RALYL: variants seen among roughly 807,000 people sequenced by gnomAD.
RALYL encodes RNA-binding Raly-like protein.
RALYL carries 29 observed loss-of-function variants against 35.1 expected under a neutral mutation model. The observed-to-expected ratio is 0.83, with a 90% CI of 0.61 to 1.13. The LOEUF (loss-of-function observed/expected upper bound fraction) is 1.13. Among genes scored for constraint, RALYL ranks in the 50% most tolerant of loss-of-function variants. The pLI is 0.00. For synonymous variants in RALYL, 120 were observed against 127.6 expected, an observed-to-expected ratio of 0.94 and a Z score of 0.40; for missense variants, 359 against 360.4, an observed-to-expected ratio of 1.00 and a Z score of 0.03.
chr8:84,632,134 C>T lies in RALYL; in HGVS notation c.256+102557C>T, dbSNP rs148866248. The stretch of plus-strand genomic sequence containing the variant: ...TAGCTCATTATCCCCTCCCACCATG[C>T]GAGAGGACAGCTGGAAGATGCCGTC... On this transcript the variant is annotated intron_variant, in intron 2 of 8. Coordinates refer to ENST00000521268, the MANE Select transcript of RALYL (RefSeq NM_173848.7). Among the ~76,000 whole-genome samples the T allele has an allele frequency of 5.5e-4, 83 of 151,876 alleles. 3 individuals carry two copies. Among genetic ancestry groups the T allele is most frequent in the Admixed American group, 3.8e-3 (58 of 15,226 alleles).
At chr8:84,572,101 A>G (rs1464126404) in intron 2 of RALYL, among the ~76,000 whole-genome samples, 1 of 151,788 alleles carries the variant, frequency 6.6e-6, no homozygotes, top group African/African-American at 2.4e-5. Flanking sequence ...GTAAATGTCC[A>G]TTGGGTCCAC....
intron 1 of RALYL, among the ~76,000 whole-genome samples, chr8:84,325,223 T>TTA (rs1845587905): frequency 6.6e-6 from 1 of 152,176 alleles, no homozygotes; most frequent in Non-Finnish European, 1.5e-5. Context: ...TTCATTATCG[T>TTA]CAGGAAATAT....
Position 84,299,041 on chromosome 8 carries a change from C to G in RALYL, c.-24+114617C>G, listed in dbSNP as rs184842307. Among the ~76,000 whole-genome samples the G allele has an allele frequency of 4.6e-5, 7 of 151,928 alleles. No individual in the cohort carries two copies. In the East Asian group the frequency reaches 5.8e-4, roughly 13 times the overall value. On this transcript the variant is annotated intron_variant, in intron 1 of 8. Coordinates refer to ENST00000521268, the MANE Select transcript of RALYL (RefSeq NM_173848.7). ...TGACTTCTCTGTTTCTATTTGGATG[C>G]CTTTTATTTCTCTTGCATGATTGTT...
intron 1 of RALYL, among the ~76,000 whole-genome samples, chr8:84,380,580 C>T (rs1280129351): frequency 2.0e-5 from 3 of 151,758 alleles, no homozygotes; most frequent in Non-Finnish European, 2.9e-5. Context: ...CTTTCTGGTC[C>T]TTTAGAATGT....
intron 3 of RALYL, among the ~76,000 whole-genome samples, chr8:84,790,991 C>A (rs1820643540): frequency 6.6e-6 from 1 of 152,144 alleles, no homozygotes; most frequent in Non-Finnish European, 1.5e-5. Context: ...AAAGAGGCAA[C>A]TTTAGGCTAA....
At chr8:84,538,174 C>T (rs1588060017) in intron 2 of RALYL, among the ~76,000 whole-genome samples, 2 of 152,212 alleles carry the variant, frequency 1.3e-5, no homozygotes, top group East Asian at 1.9e-4. Flanking sequence ...ATAGAAAGCC[C>T]GGGGGATTTG....
intron 3 of RALYL, among the ~76,000 whole-genome samples, chr8:84,777,357 G>GAATAC (rs1817078433): frequency 1.3e-5 from 2 of 152,194 alleles, no homozygotes; most frequent in Admixed American, 6.5e-5. Context: ...TACTGTCCAT[G>GAATAC]AATACCATGC....
At chr8:84,646,184 T>A (rs983688464) in intron 2 of RALYL, among the ~76,000 whole-genome samples, 3 of 151,972 alleles carry the variant, frequency 2.0e-5, no homozygotes, top group Admixed American at 6.6e-5. Flanking sequence ...TATTTTTTTT[T>A]AAATAAAAAT....
chr8:84,335,318 G>C (rs897995596), intron 1 of RALYL, among the ~76,000 whole-genome samples: 3 of 152,136 alleles, frequency 2.0e-5, no homozygotes, highest in African/African-American at 7.2e-5. Flanking sequence ...CTTGCTCCCA[G>C]ATGAAGCTGT....
intron 4 of RALYL, among the ~76,000 whole-genome samples, chr8:84,842,717 C>T (rs981025909): frequency 6.6e-5 from 10 of 152,268 alleles, no homozygotes; most frequent in African/African-American, 2.2e-4. Flanking sequence ...CAAAAATCCT[C>T]AGTAAAATAC....
intron 1 of RALYL, among the ~76,000 whole-genome samples, chr8:84,500,660 A>C (rs1300590648): frequency 6.6e-6 from 1 of 152,184 alleles, no homozygotes; most frequent in Non-Finnish European, 1.5e-5. Flanking sequence ...CCAAAATGTT[A>C]CTAAATGAAA....
At chr8:84,270,011 A>G (rs1472465862) in intron 1 of RALYL, among the ~76,000 whole-genome samples, 1 of 152,056 alleles carries the variant, frequency 6.6e-6, no homozygotes, top group Non-Finnish European at 1.5e-5. Flanking sequence ...ATTATAGTAG[A>G]CATCTCCTTA....
intron 1 of RALYL, among the ~76,000 whole-genome samples, chr8:84,280,163 A>G (rs1180122381): frequency 6.6e-6 from 1 of 152,192 alleles, no homozygotes; most frequent in African/African-American, 2.4e-5. Flanking sequence ...TACTGATTCC[A>G]TGTGACTATA....
chr8:84,202,191 A>C (rs1816998105), intron 1 of RALYL, among the ~76,000 whole-genome samples: 1 of 150,744 alleles, frequency 6.6e-6, no homozygotes, highest in South Asian at 2.1e-4. Context: ...TATAGACTTA[A>C]TTTATATTTT....
At chr8:84,562,394 C>CA (rs1355713248) in intron 2 of RALYL, among the ~76,000 whole-genome samples, 1 of 151,902 alleles carries the variant, frequency 6.6e-6, no homozygotes, top group Admixed American at 6.6e-5. Context: ...AACTCATAAG[C>CA]AAATATTAAC....
rs76720672 is a variant in RALYL at position 84,645,072 on chromosome 8, A to G, written c.256+115495A>G. Among the ~76,000 whole-genome samples the G allele has an allele frequency of 5.7e-3, 860 of 152,142 alleles. 9 individuals carry two copies. Among genetic ancestry groups the G allele is most frequent in the African/African-American group, 0.019 (794 of 41,564 alleles). On this transcript the variant is annotated intron_variant, in intron 2 of 8. Coordinates refer to ENST00000521268, the MANE Select transcript of RALYL (RefSeq NM_173848.7). ...GCCAAGTTTTTCCTTTGTGTATAGC[A>G]TAGAATTCAGTTTTGCTTTATAAGC... is the stretch of plus-strand genomic sequence containing the variant.
intron 1 of RALYL, among the ~76,000 whole-genome samples, chr8:84,425,395 G>A (rs528340488): frequency 5.1e-4 from 78 of 152,268 alleles, no homozygotes; most frequent in Non-Finnish European, 7.9e-4. Context: ...GCAATGCCTC[G>A]CCCTGCTTCG....
At chr8:84,334,848 C>T (rs1437685174) in intron 1 of RALYL, among the ~76,000 whole-genome samples, 5 of 152,258 alleles carry the variant, frequency 3.3e-5, no homozygotes, top group African/African-American at 7.2e-5. Context: ...AATCTCTAGT[C>T]CAGTCCCATT....
At chr8:84,746,660 A>G (rs1808676165) in intron 2 of RALYL, among the ~76,000 whole-genome samples, 2 of 152,112 alleles carry the variant, frequency 1.3e-5, no homozygotes, top group South Asian at 2.1e-4. Context: ...GAAATTACAT[A>G]CAAATGTTCC....
Sources: gnomAD v4.1 joint callset for allele counts (sites outside exome capture counted in the v4.1 genomes callset) on GRCh38, gnomAD v4.1.1 for gene constraint, MANE v1.5 for transcripts, NCBI Gene and HGNC (gene_info 2026-07-23, HGNC 2026-07-21) for gene names.